MYO15A: variants seen among roughly 807,000 people sequenced by gnomAD.
MYO15A encodes myosin XVA, also known as unconventional myosin-XV.
In MYO15A, 308 loss-of-function variants were observed where a neutral mutation model predicts 394.6. The observed-to-expected ratio is 0.78, with a 90% CI of 0.71 to 0.86. The LOEUF (loss-of-function observed/expected upper bound fraction) is 0.86. Ranked by LOEUF, MYO15A falls within the 40% of genes least tolerant of loss-of-function variation. The probability of loss-of-function intolerance (pLI) is 0.00; values close to 1 mark genes in which losing one functional copy is unlikely to be tolerated. For missense variants in MYO15A, 4,606 were observed against 4,799.1 expected (o/e 0.96, Z 1.19); for synonymous variants, 1,957 against 2,003.8 (o/e 0.98, Z 0.62).
Position 18,121,125 on chromosome 17 carries a change from G to A in MYO15A, c.2325G>A (p.Ser775=). The change falls in exon 2 of 66, where the codon TCG becomes TCA. Residue 775 remains serine (S), a synonymous_variant. Coordinates refer to ENST00000647165, the MANE Select transcript of MYO15A (RefSeq NM_016239.4). The surrounding 1 kb of genome is among the most constrained non-coding windows in gnomAD (Gnocchi z 5.3). ...GGCGAGCTTGGTCACCGCTGGCCTC[G>A]CCCCAGCCCTCGCTGAGGAGCTCGC... The part of the protein sequence containing the change: ...SRRRAWSPLA[S]PQPSLRSSPG... The A allele has an allele frequency of 1.3e-6, 2 of 1,505,862 alleles. No homozygotes were observed. The highest frequency in any genetic ancestry group is 2.7e-5 in the East Asian group (1 of 37,468). 93.3% of individuals were successfully genotyped at this position (1,505,862 alleles called of 1,614,324 possible).
intron 1 of MYO15A, among the ~76,000 whole-genome samples, chr17:18,110,682 C>A (rs1447615929): frequency 3.3e-5 from 5 of 152,192 alleles, no homozygotes; most frequent in African/African-American, 1.2e-4. Context: ...AGTACCAAGC[C>A]TGGCACATAG....
Position 18,119,707 on chromosome 17 carries a change from T to A in MYO15A, c.907T>A (p.Tyr303Asn), listed in dbSNP as rs781646237. ...DYYGGPFDPG[Y>N]TYGYGYDDYE... ...TTACGGTGGCCCCTTTGATCCGGGGTACACCTACGGCTACGGCTACGACGA... is the reference window on the plus strand; with the variant it reads ...TTACGGTGGCCCCTTTGATCCGGGGAACACCTACGGCTACGGCTACGACGA... The change falls in exon 2 of 66, where the codon TAC (tyrosine) becomes AAC (asparagine). Residue 303 changes from tyrosine to asparagine, a missense_variant. Tyr to Asn is a moderately radical substitution (Grantham distance 143). This residue lies in a region of MYO15A where 1,830 missense variants were observed against 1,689.7 expected (regional missense o/e 1.08). Transcript: ENST00000647165. The A allele has an allele frequency of 1.2e-6, 2 of 1,610,818 alleles. No individual in the cohort carries two copies. The highest frequency in any genetic ancestry group is 1.1e-5 in the South Asian group (1 of 91,052).
chr17:18,149,254 C>G lies in MYO15A; in HGVS notation c.6995C>G (p.Ser2332Cys). The change falls in exon 34 of 66, where the codon TCC becomes TGC. Residue 2332 changes from serine (S) to cysteine (C), a missense_variant. By Grantham distance (112) the Ser-to-Cys change is moderately radical. This residue lies in a region of MYO15A where 2,776 missense variants were observed against 3,109.3 expected (regional missense o/e 0.89). Coordinates refer to ENST00000647165, the MANE Select transcript of MYO15A (RefSeq NM_016239.4). ...GNSWDSDEDM[S>C]TRPQPQEHMP... is the part of the protein sequence containing the mutation. ...AGCTGGGACTCGGATGAGGACATGT[C>G]CACTAGACCCCAGCCCCAGGAGCAC... is the stretch of plus-strand genomic sequence containing the variant. 6.2e-7 allele frequency: 1 copy of G among 1,614,008 alleles called. No homozygotes were observed. Among genetic ancestry groups the G allele is most frequent in the African/African-American group, 1.3e-5 (1 of 75,000 alleles).
chr17:18,123,517 A>C (rs1303986547), intron 2 of MYO15A: 2 of 152,398 alleles, frequency 1.3e-5, no homozygotes, highest in Non-Finnish European at 2.9e-5. Flanking sequence ...AGCGACAGGC[A>C]TGCAGGGTTC....
intron 62 of MYO15A, among the ~76,000 whole-genome samples, chr17:18,170,714 G>A (rs1426083109): frequency 6.6e-6 from 1 of 152,074 alleles, no homozygotes; most frequent in Non-Finnish European, 1.5e-5. Context: ...AAAAGAGCAG[G>A]AAGCACATAA....
Position 18,152,142 on chromosome 17 carries a change from C to A in MYO15A, c.7924C>A (p.Pro2642Thr). The A allele has an allele frequency of 6.4e-7, 1 of 1,551,748 alleles. No individual in the cohort carries two copies. ...CAGAGAGGCCGTGGCCCTGGTGAAG[C>A]CGGTGACCAGTGCACCAAGGCCATC... is the stretch of plus-strand genomic sequence containing the variant. The part of the protein sequence containing the change: ...VSREAVALVK[P>T]VTSAPRPSMA... Residue 2642 changes from proline to threonine, a missense_variant, in exon 42 of 66, where the codon CCG (proline) becomes ACG (threonine). Coordinates refer to ENST00000647165, the MANE Select transcript of MYO15A (RefSeq NM_016239.4).
intron 1 of MYO15A, among the ~76,000 whole-genome samples, chr17:18,110,912 C>T (rs1597739067): frequency 6.6e-6 from 1 of 152,228 alleles, no homozygotes; most frequent in Non-Finnish European, 1.5e-5. Flanking sequence ...TATAAGCTCC[C>T]TCTTATCCTT....
chr17:18,163,223 T>C (rs1177444895), intron 58 of MYO15A, 21 bp from the exon 59 acceptor site: 1 of 1,612,968 alleles, frequency 6.2e-7, no homozygotes. Flanking sequence ...CTGTCATCCC[T>C]CTCCCACCTA....
In MYO15A at chr17:18,119,072, G is replaced by T. The variant is rs759755751; in HGVS notation, c.272G>T (p.Arg91Leu). ...KSTSKLMTQM[R>L]MGKKKRAMKG... Reference sequence around the variant, plus strand: ...ACGTCAAAGCTCATGACGCAGATGCGCATGGGCAAGAAGAAGCGGGCGATG... The same window carrying T: ...ACGTCAAAGCTCATGACGCAGATGCTCATGGGCAAGAAGAAGCGGGCGATG... Residue 91 changes from arginine to leucine, a missense_variant, in exon 2 of 66, where the codon CGC (arginine) becomes CTC (leucine). Around this residue, in one of 2 missense-constraint regions of MYO15A, gnomAD observed 1,830 missense variants for 1,689.7 expected, o/e 1.08. Coordinates refer to ENST00000647165, the MANE Select transcript of MYO15A (RefSeq NM_016239.4). 5.0e-6 allele frequency: 8 copies of T among 1,611,886 alleles called. No individual in the cohort carries two copies. The highest frequency in any genetic ancestry group is 6.8e-6 in the Non-Finnish European group (8 of 1,179,566).
chr17:18,176,395 G>A (rs2047013434), intron 65 of MYO15A, among the ~76,000 whole-genome samples: 1 of 152,034 alleles, frequency 6.6e-6, no homozygotes, highest in Non-Finnish European at 1.5e-5. Context: ...CGTCTCTCGT[G>A]TGAACTATTA....
At chr17:18,128,030 C>T (rs1047723366) in intron 7 of MYO15A, among the ~76,000 whole-genome samples, 1 of 151,682 alleles carries the variant, frequency 6.6e-6, no homozygotes, top group African/African-American at 2.4e-5. Flanking sequence ...TCTAGGGGAA[C>T]AGTGAAGAGG....
Position 18,148,992 on chromosome 17 carries a change from C to A in MYO15A, c.6956+40C>A. 6.4e-7 allele frequency: 1 copy of A among 1,552,880 alleles called. No homozygotes were observed. On this transcript the variant is annotated intron_variant, in intron 33 of 65. Coordinates refer to ENST00000647165, the MANE Select transcript of MYO15A (RefSeq NM_016239.4). The surrounding 1 kb of genome is among the most constrained non-coding windows in gnomAD (Gnocchi z 4.8). ...GGGACCCCCTCACAGATGGCCACTC[C>A]CAGGCAGAAGGCCGGCCACTCCCAG...
chr17:18,158,309 A>G, intron 51 of MYO15A: 4 of 570,328 alleles, frequency 7.0e-6, no homozygotes, highest in Non-Finnish European at 9.2e-6. Flanking sequence ...GGCGTGGCCA[A>G]GTGGGGCAGG....
Position 18,133,222 on chromosome 17 carries a change from C to T in MYO15A, c.4321-3C>T. 3 of 1,613,950 alleles carry T rather than the reference C, an allele frequency of 1.9e-6. No individual in the cohort carries two copies. Among genetic ancestry groups the T allele is most frequent in the East Asian group, 2.2e-5 (1 of 44,864 alleles). On this transcript the variant is annotated splice_polypyrimidine_tract_variant and splice_region_variant and intron_variant, in intron 11 of 65. Transcript: ENST00000647165. The stretch of plus-strand genomic sequence containing the variant: ...CTGACCCTCAGCCTCTGCCCTCATG[C>T]AGGGTGGGAACTGTGAGATAGCAGG...
intron 4 of MYO15A, 140 bp from the exon 5 acceptor site, chr17:18,126,207 G>A (rs2046035067): frequency 6.9e-6 from 5 of 726,634 alleles, no homozygotes; most frequent in Non-Finnish European, 1.2e-5. Flanking sequence ...CTGGTAGAGG[G>A]CTCTAGATGG....
chr17:18,129,268 T>TGTGTTTTTACCCAC (rs2046109661), intron 7 of MYO15A, among the ~76,000 whole-genome samples: 1 of 152,228 alleles, frequency 6.6e-6, no homozygotes, highest in East Asian at 1.9e-4. Context: ...GGTTCCACCC[T>TGTGTTTTTACCCAC]TCTGGTGTTT....
At position 18,149,534 on chromosome 17, in the gene MYO15A, G is replaced by A. The variant is rs1464302941; in HGVS notation, c.7166G>A (p.Cys2389Tyr). ...EPAVPHKGLD[C>Y]YLDSLFDPVL... Reference sequence around the variant, plus strand: ...GCTGTGCCCCACAAGGGGCTGGACTGCTACCTGGATAGCCTCTTTGACCCT... The same window carrying A: ...GCTGTGCCCCACAAGGGGCTGGACTACTACCTGGATAGCCTCTTTGACCCT... The change falls in exon 35 of 66, where the codon TGC becomes TAC. Residue 2389 changes from cysteine (C) to tyrosine (Y), a missense_variant. Cys to Tyr is a radical substitution (Grantham distance 194). Transcript: ENST00000647165. 1 of 1,614,222 alleles carries A rather than the reference G, an allele frequency of 6.2e-7. No individual in the cohort carries two copies. Among genetic ancestry groups the A allele is most frequent in the Non-Finnish European group, 8.5e-7 (1 of 1,180,036 alleles).
intron 65 of MYO15A, among the ~76,000 whole-genome samples, chr17:18,174,838 G>A (rs1295879870): frequency 6.6e-6 from 1 of 152,170 alleles, no homozygotes; most frequent in Non-Finnish European, 1.5e-5. Context: ...GCCTGTCTTG[G>A]AGGGGGTGAT....
chr17:18,127,218 C>T (rs753171193), intron 7 of MYO15A, 53 bp downstream of exon 7: 2 of 1,591,412 alleles, frequency 1.3e-6, no homozygotes, highest in Admixed American at 1.7e-5. Flanking sequence ...TTGATAAGCA[C>T]ACCTCATGTA....
Sources: allele counts gnomAD v4.1 joint callset (sites outside exome capture counted in the v4.1 genomes callset), GRCh38; gene constraint gnomAD v4.1.1; regional missense constraint gnomAD v4.1.1; non-coding constraint Gnocchi (gnomAD v3.1); transcripts MANE v1.5; gene names NCBI Gene and HGNC (gene_info 2026-07-23, HGNC 2026-07-21).